The following KDM4C variants were observed in gnomAD, a reference collection of about 807,000 sequenced individuals.
KDM4C encodes lysine-specific demethylase 4C.
A neutral mutation model predicts 129.3 loss-of-function variants in KDM4C; 81 were observed. The ratio of observed to expected loss-of-function variants is 0.63; its 90% confidence interval spans 0.52 to 0.75. The LOEUF (loss-of-function observed/expected upper bound fraction) is 0.75, where lower values mean the gene tolerates loss of function less well. Among genes scored for constraint, KDM4C ranks in the 30% least tolerant of loss-of-function variants. The pLI is 0.00. For missense variants in KDM4C, 1,457 were observed against 1,304.0 expected (o/e 1.12, Z -1.81); for synonymous variants, 573 against 456.1 (o/e 1.26, Z -3.26).
At chr9:7,125,281 C>T (rs1839919581) in intron 18 of KDM4C, among the ~76,000 whole-genome samples, 1 of 152,164 alleles carries the variant, frequency 6.6e-6, no homozygotes. Context: ...TGTGTTCTTC[C>T]CCTAATTCTG....
chr9:7,035,499 A>G (rs1012145389), intron 15 of KDM4C, among the ~76,000 whole-genome samples: 1 of 150,382 alleles, frequency 6.6e-6, no homozygotes, highest in Non-Finnish European at 1.5e-5. Context: ...GATATATCCC[A>G]TTTGTTTATT....
chr9:7,070,863 G>A (rs1428864797), intron 17 of KDM4C, among the ~76,000 whole-genome samples: 1 of 152,138 alleles, frequency 6.6e-6, no homozygotes, highest in East Asian at 1.9e-4. Flanking sequence ...AGCTGGTGCT[G>A]TAAGGCAAGA....
At position 6,986,667 on chromosome 9, in the gene KDM4C, G is replaced by A. The variant is rs1252293906; in HGVS notation, c.1677+1G>A. On this transcript the variant is annotated splice_donor_variant, in intron 11 of 21. Coordinates refer to ENST00000381309, the MANE Select transcript of KDM4C (RefSeq NM_015061.6). LOFTEE classifies it high-confidence loss of function. ...GAGAAATAGCTTCAAAGTCCCCAGT[G>A]TATGTGGCAATATCCATTTTTTACC... The A allele has an allele frequency of 6.3e-7, 1 of 1,592,000 alleles. No homozygotes were observed. The highest frequency in any genetic ancestry group is 8.6e-7 in the Non-Finnish European group (1 of 1,166,134).
chr9:6,987,026 G>C (rs1472694676), intron 11 of KDM4C, among the ~76,000 whole-genome samples: 1 of 152,160 alleles, frequency 6.6e-6, no homozygotes, highest in Non-Finnish European at 1.5e-5. Flanking sequence ...TACCATCTTA[G>C]AAAACTATAG....
chr9:6,962,474 A>C (rs558364684), intron 8 of KDM4C, among the ~76,000 whole-genome samples: 3 of 152,306 alleles, frequency 2.0e-5, no homozygotes, highest in African/African-American at 7.2e-5. Flanking sequence ...TGAAGTCAAC[A>C]CTTTATGGTT....
chr9:7,061,415 C>T (rs990780806), intron 17 of KDM4C, among the ~76,000 whole-genome samples: 6 of 152,206 alleles, frequency 3.9e-5, no homozygotes, highest in African/African-American at 1.2e-4. Context: ...TTCCATGAGG[C>T]TGTCCTTGGA....
intron 15 of KDM4C, among the ~76,000 whole-genome samples, chr9:7,020,558 AT>A (rs1406071585): frequency 2.6e-5 from 4 of 152,224 alleles, no homozygotes; most frequent in Non-Finnish European, 5.9e-5. Flanking sequence ...CGTTCCAAAC[AT>A]TACCAAATCC....
At position 6,911,718 on chromosome 9, in the gene KDM4C, G is replaced by A. The variant is rs138385303; in HGVS notation, c.921+18486G>A. On this transcript the variant is annotated intron_variant, in intron 8 of 21. Transcript: ENST00000381309. ...TATCTAAAAACTTAATTAAATTATT[G>A]TGGTCATGAAGCTTTTGTTGACGTA... Among the ~76,000 whole-genome samples, 32 of 152,236 alleles carry A rather than the reference G, an allele frequency of 2.1e-4. No individual in the cohort carries two copies. The East Asian group carries it at 5.8e-3, about 28-fold the overall frequency.
chr9:6,894,104 A>G (rs746233189), intron 8 of KDM4C, among the ~76,000 whole-genome samples: 2 of 152,234 alleles, frequency 1.3e-5, no homozygotes, highest in African/African-American at 4.8e-5. Flanking sequence ...TTCATTCTAC[A>G]CTGATAAAAC....
intron 3 of KDM4C, among the ~76,000 whole-genome samples, chr9:6,812,379 C>T (rs1249923342): frequency 1.3e-5 from 2 of 152,086 alleles, no homozygotes; most frequent in Non-Finnish European, 1.5e-5. Flanking sequence ...GCTATCTTCT[C>T]CTTTCTGATC....
At chr9:6,850,454 AT>A (rs1026593848) in intron 5 of KDM4C, among the ~76,000 whole-genome samples, 1 of 148,424 alleles carries the variant, frequency 6.7e-6, no homozygotes. Context: ...ATTTTATTTT[AT>A]TTTTTTTTGA....
At chr9:6,789,861 T>G (rs1826194659) in intron 1 of KDM4C, among the ~76,000 whole-genome samples, 2 of 152,094 alleles carry the variant, frequency 1.3e-5, no homozygotes, top group African/African-American at 2.4e-5. Context: ...TACCATGTGT[T>G]AATATATTTT....
chr9:7,004,356 T>C (rs1447254785), intron 12 of KDM4C, among the ~76,000 whole-genome samples: 1 of 152,234 alleles, frequency 6.6e-6, no homozygotes, highest in Non-Finnish European at 1.5e-5. Context: ...TAAAAAACTT[T>C]TAAGATGACA....
chr9:6,960,078 A>G (rs1829770054), intron 8 of KDM4C, among the ~76,000 whole-genome samples: 1 of 151,876 alleles, frequency 6.6e-6, no homozygotes, highest in South Asian at 2.1e-4. Context: ...CAAGTCCCTG[A>G]GAGATTCCTT....
chr9:7,028,233 A>T (rs1424573561), intron 15 of KDM4C, among the ~76,000 whole-genome samples: 8 of 152,014 alleles, frequency 5.3e-5, no homozygotes, highest in Admixed American at 2.0e-4. Flanking sequence ...AGTCTCACCC[A>T]AGGCTCACGG....
rs566096619 is a variant in KDM4C, at chr9:6,842,340, G to A, written c.436-7167G>A. ...TTTTTTTTTTTTTTTTTTTTGAGACGGAGTCTTGCTCTGTCACCTAGGCTG... is the reference window on the plus strand; with the variant it reads ...TTTTTTTTTTTTTTTTTTTTGAGACAGAGTCTTGCTCTGTCACCTAGGCTG... On this transcript the variant is annotated intron_variant, in intron 4 of 21. Coordinates refer to ENST00000381309, the MANE Select transcript of KDM4C (RefSeq NM_015061.6). 1.2e-4 allele frequency among the ~76,000 whole-genome samples: 15 copies of A among 125,336 alleles called. No homozygotes were observed. The East Asian group carries it at 2.1e-3, about 18-fold the overall frequency. The allele number at this position is 125,336 out of a possible 152,430, so 82.2% of individuals were successfully genotyped here.
intron 17 of KDM4C, among the ~76,000 whole-genome samples, chr9:7,075,428 A>T (rs1570510): frequency 6.6e-6 from 1 of 152,000 alleles, no homozygotes; most frequent in South Asian, 2.1e-4. Flanking sequence ...TGCTTCCCTC[A>T]TGAATGGATG....
chr9:7,001,345 C>T (rs952953265), intron 12 of KDM4C, among the ~76,000 whole-genome samples: 3 of 152,054 alleles, frequency 2.0e-5, no homozygotes, highest in African/African-American at 7.2e-5. Context: ...TAAATATTTC[C>T]ATAGTTGTTG....
At chr9:6,969,004 T>C (rs952823153) in intron 8 of KDM4C, among the ~76,000 whole-genome samples, 4 of 152,154 alleles carry the variant, frequency 2.6e-5, no homozygotes, top group African/African-American at 7.2e-5. Flanking sequence ...TGGCATGATA[T>C]TGGCTCACTG....
Sources: allele counts gnomAD v4.1 joint callset (sites outside exome capture counted in the v4.1 genomes callset), GRCh38; gene constraint gnomAD v4.1.1; transcripts MANE v1.5; gene names NCBI Gene and HGNC (gene_info 2026-07-23, HGNC 2026-07-21).